MAU2: variants seen among roughly 807,000 people sequenced by gnomAD.
MAU2 encodes the protein MAU2 chromatid cohesion factor homolog.
In MAU2, 9 loss-of-function variants were observed where a neutral mutation model predicts 89.1. The ratio of observed to expected loss-of-function variants is 0.10; its 90% CI spans 0.06 to 0.18. The LOEUF is 0.18. Ranked by LOEUF, MAU2 falls within the 10% of genes least tolerant of loss-of-function variation. The pLI is 1.00. For missense variants in MAU2, 425 were observed against 803.5 expected (o/e 0.53, Z 5.69); for synonymous variants, 357 against 343.4 (o/e 1.04, Z -0.44).
At chr19:19,344,641 G>A (rs2061679502) in intron 10 of MAU2, 1 of 600,640 alleles carries the variant, frequency 1.7e-6, no homozygotes, top group South Asian at 1.9e-5. Flanking sequence ...CAGAGTGGAA[G>A]AGACGAGTAA....
At chr19:19,348,641 T>C in intron 13 of MAU2, 1 of 616,534 alleles carries the variant, frequency 1.6e-6, no homozygotes, top group South Asian at 1.9e-5. Flanking sequence ...ACAAAGGCCT[T>C]CTGGACGCCC....
rs1265768958 is a variant in MAU2, at chr19:19,356,302, C to T, written c.*520C>T. 2 of 337,768 alleles carry T rather than the reference C, an allele frequency of 5.9e-6. No individual in the cohort carries two copies. Among genetic ancestry groups the T allele is most frequent in the Non-Finnish European group, 1.2e-5 (2 of 170,384 alleles). 20.9% of individuals were successfully genotyped at this position (337,768 alleles called of 1,614,324 possible). A position where few individuals can be genotyped will look rare whatever the true frequency, so the allele number is the denominator to read the frequency against. ...CTAGTGTGGGACGAAGCACAGATCC[C>T]AGCACTTTTCCCAGCTTTCTCTCCA... On this transcript the variant is annotated 3_prime_UTR_variant, in exon 19 of 19. Transcript: ENST00000262815.
intron 16 of MAU2, 108 bp from the exon 17 acceptor site, chr19:19,354,247 G>A: frequency 1.3e-6 from 1 of 778,394 alleles, no homozygotes. Context: ...GTCACAACCT[G>A]GGCTGGGTTC....
Position 19,345,280 on chromosome 19 carries a change from G to A in MAU2, c.1156-24G>A, listed in dbSNP as rs1170406182. On this transcript the variant is annotated intron_variant, in intron 11 of 18. Coordinates refer to ENST00000262815, the MANE Select transcript of MAU2 (RefSeq NM_015329.4). The surrounding 1 kb of genome is among the most constrained non-coding windows in gnomAD (Gnocchi z 4.9). ...AGCCCCCTCCCCAGGGGCCGGCCCT[G>A]ATGACAACACCACCTTCTTCCAGGG... The A allele has an allele frequency of 5.0e-6, 8 of 1,611,150 alleles. No homozygotes were observed. Among genetic ancestry groups the A allele is most frequent in the Non-Finnish European group, 5.9e-6 (7 of 1,177,750 alleles).
chr19:19,347,558 G>T, intron 13 of MAU2, 192 bp downstream of exon 13: 1 of 568,022 alleles, frequency 1.8e-6, no homozygotes. Flanking sequence ...GGGAGGCCAG[G>T]TCTGGGACAA....
chr19:19,323,566 G>C (rs569534136), intron 1 of MAU2, among the ~76,000 whole-genome samples: 1 of 152,190 alleles, frequency 6.6e-6, no homozygotes, highest in Admixed American at 6.5e-5. Context: ...GGGTGCACTG[G>C]CGTGATCTCA....
At chr19:19,332,350 T>TTA (rs1491362068) in intron 1 of MAU2, among the ~76,000 whole-genome samples, 13 of 144,748 alleles carry the variant, frequency 9.0e-5, no homozygotes, top group Non-Finnish European at 1.7e-4. Flanking sequence ...TTTTTTTTTT[T>TTA]AGAGCGAGAG....
At chr19:19,333,750 C>T (rs919985583) in intron 1 of MAU2, among the ~76,000 whole-genome samples, 7 of 152,206 alleles carry the variant, frequency 4.6e-5, no homozygotes, top group African/African-American at 1.2e-4. Flanking sequence ...GTTGACTGGT[C>T]GCCTTGCTTA....
chr19:19,342,741 C>G lies in MAU2; in HGVS notation c.883-35C>G, dbSNP rs758671770. On this transcript the variant is annotated intron_variant, in intron 8 of 18. Transcript: ENST00000262815. ...GGCGGGGGCAGGGAGAGGGAGAGGG[C>G]CCTGGTAACCCCTGCTGTCTGGTCT... 5.6e-6 allele frequency: 9 copies of G among 1,613,680 alleles called. No individual in the cohort carries two copies. The African/African-American group carries it at 1.2e-4, about 22-fold the overall frequency.
At chr19:19,352,724 C>G (rs911412698) in intron 16 of MAU2, 6 of 152,270 alleles carry the variant, frequency 3.9e-5, no homozygotes, top group African/African-American at 1.4e-4. Context: ...GGTTGAGCAG[C>G]TGGTTCACTG....
chr19:19,327,387 G>A (rs998202585), intron 1 of MAU2, among the ~76,000 whole-genome samples: 8 of 151,848 alleles, frequency 5.3e-5, no homozygotes, highest in Non-Finnish European at 1.2e-4. Context: ...GTGCAATGGC[G>A]CGATCTCGGC....
At chr19:19,342,432 G>A in intron 7 of MAU2, 103 bp from the exon 8 acceptor site, 1 of 1,401,614 alleles carries the variant, frequency 7.1e-7, no homozygotes. Flanking sequence ...GGCAGAAGGG[G>A]AAGGCAGATG....
At position 19,345,372 on chromosome 19, in the gene MAU2, A is replaced by G. The variant is rs1359816315; in HGVS notation, c.1221+3A>G. ...CCCAGTTCACCACGGCCCTGCGGGTAAGGTGCCGGCCCTCCTTGCTGCTCG... is the reference window on the plus strand; with the variant it reads ...CCCAGTTCACCACGGCCCTGCGGGTGAGGTGCCGGCCCTCCTTGCTGCTCG... On this transcript the variant is annotated splice_donor_region_variant and intron_variant, in intron 12 of 18. Transcript: ENST00000262815. This position sits in a 1 kb window ranked among gnomAD's most constrained non-coding sequence, Gnocchi z 4.9. 6.2e-7 allele frequency: 1 copy of G among 1,613,480 alleles called. No homozygotes were observed.
At chr19:19,321,182 A>G (rs773931811) in intron 1 of MAU2, 47 bp downstream of exon 1, 1 of 1,517,532 alleles carries the variant, frequency 6.6e-7, no homozygotes. Context: ...GCTCCTTGCA[A>G]GATCTGGGCT....
chr19:19,337,327 G>A (rs2061605437), intron 4 of MAU2, 62 bp downstream of exon 4: 6 of 1,345,096 alleles, frequency 4.5e-6, no homozygotes, highest in Non-Finnish European at 5.3e-6. Flanking sequence ...GGGCACACCT[G>A]CCCCATTTGC....
At position 19,325,715 on chromosome 19, in the gene MAU2, G is replaced by A. The variant is rs552000827; in HGVS notation, c.276+4580G>A. The stretch of plus-strand genomic sequence containing the variant: ...GCTGGTCTCGAACTCCTGACCTCAG[G>A]TGATCTGCCCGCCTCAGCCTCCCAA... On this transcript the variant is annotated intron_variant, in intron 1 of 18. Transcript: ENST00000262815. 2.0e-3 allele frequency among the ~76,000 whole-genome samples: 297 copies of A among 152,264 alleles called. 2 individuals are homozygous for A. In the South Asian group the frequency reaches 0.024, roughly 12 times the overall value.
intron 5 of MAU2, among the ~76,000 whole-genome samples, chr19:19,340,604 ACTC>A (rs1185695528): frequency 1.3e-5 from 2 of 152,178 alleles, no homozygotes; most frequent in African/African-American, 4.8e-5. Flanking sequence ...GCACCACTGC[ACTC>A]CAGCCTGGGC....
chr19:19,331,228 G>T (rs1247639410), intron 1 of MAU2, among the ~76,000 whole-genome samples: 1 of 151,794 alleles, frequency 6.6e-6, no homozygotes, highest in African/African-American at 2.4e-5. Flanking sequence ...ACCCGGGCAC[G>T]GTGGCTCACA....
chr19:19,336,379 A>G (rs2061597064), intron 3 of MAU2, among the ~76,000 whole-genome samples, 192 bp downstream of exon 3: 1 of 152,064 alleles, frequency 6.6e-6, no homozygotes, highest in Non-Finnish European at 1.5e-5. Flanking sequence ...GGCTCACCGC[A>G]GCCTTAAACT....
Sources: allele counts gnomAD v4.1 joint callset (sites outside exome capture counted in the v4.1 genomes callset), GRCh38; gene constraint gnomAD v4.1.1; non-coding constraint Gnocchi (gnomAD v3.1); transcripts MANE v1.5; gene names NCBI Gene and HGNC (gene_info 2026-07-23, HGNC 2026-07-21).